Variants in CAST observed in about 807,000 individuals in gnomAD.
CAST encodes the protein calpastatin, also known as MIR583 host.
Under a neutral mutation model 119.6 loss-of-function variants are expected in CAST, and 76 were observed. That is an observed-to-expected ratio of 0.64 (90% CI 0.53 to 0.77). The LOEUF is 0.77. Ranked by LOEUF, CAST falls within the 30% of genes least tolerant of loss-of-function variation. CAST has a pLI of 0.00. For missense variants in CAST, 953 were observed against 946.5 expected, an observed-to-expected ratio of 1.01 and a Z score of -0.09; for synonymous variants, 319 against 331.6, an observed-to-expected ratio of 0.96 and a Z score of 0.41.
chr5:96,684,270 A>G (rs940784346), intron 2 of CAST, among the ~76,000 whole-genome samples: 2 of 152,226 alleles, frequency 1.3e-5, no homozygotes, highest in Non-Finnish European at 2.9e-5. Flanking sequence ...GAGGTGCTCT[A>G]TAAATCTTAC....
At chr5:96,676,881 C>T (rs77257848) in intron 2 of CAST, among the ~76,000 whole-genome samples, 3,526 of 151,804 alleles carry the variant, frequency 0.023, 142 homozygotes, top group African/African-American at 0.081. Flanking sequence ...AGTGAAACCC[C>T]TTCTCTGCTA....
At chr5:96,191,724 C>T in the CAST span, among the ~76,000 whole-genome samples, 1 of 152,158 alleles carries the variant, frequency 6.6e-6, no homozygotes, top group African/African-American at 2.4e-5. Context: ...CGCACGCCAC[C>T]ACACCCAGCT....
At chr5:96,423,157 A>G in the CAST span, among the ~76,000 whole-genome samples, 1 of 152,206 alleles carries the variant, frequency 6.6e-6, no homozygotes, top group Admixed American at 6.5e-5. Flanking sequence ...ATAAATTCAT[A>G]TAAGCTAGTG....
At chr5:95,961,510 C>A in the CAST span, 1 of 1,379,352 alleles carries the variant, frequency 7.2e-7, no homozygotes, top group Non-Finnish European at 9.4e-7. Flanking sequence ...CGCACCCGGG[C>A]GCGGCCAGGC....
At chr5:96,602,759 T>C (rs1401346363) in intron 1 of CAST, among the ~76,000 whole-genome samples, 1 of 151,984 alleles carries the variant, frequency 6.6e-6, no homozygotes, top group Non-Finnish European at 1.5e-5. Context: ...CAAAAATAAA[T>C]AGATAAATAA....
chr5:96,299,035 T>C, the CAST span, among the ~76,000 whole-genome samples: 1 of 151,512 alleles, frequency 6.6e-6, no homozygotes, highest in South Asian at 2.1e-4. Context: ...AGGTCAAGAG[T>C]TCAAGATTAG....
chr5:96,002,227 G>A, the CAST span, among the ~76,000 whole-genome samples: 7 of 152,326 alleles, frequency 4.6e-5, no homozygotes, highest in East Asian at 9.6e-4. Context: ...GGTTGCAAGT[G>A]ACAGAAATCC....
chr5:96,278,899 C>A, the CAST span: 1 of 152,190 alleles, frequency 6.6e-6, no homozygotes, highest in Admixed American at 6.5e-5. Context: ...TATCTCTCAT[C>A]ATATCCTATA....
chr5:96,252,359 A>G, the CAST span, among the ~76,000 whole-genome samples: 2 of 152,140 alleles, frequency 1.3e-5, no homozygotes, highest in Admixed American at 1.3e-4. Flanking sequence ...TCATTCAGTT[A>G]GTACCTACTA....
chr5:96,169,583 C>T, the CAST span, among the ~76,000 whole-genome samples: 4 of 151,944 alleles, frequency 2.6e-5, no homozygotes, highest in Non-Finnish European at 5.9e-5. Flanking sequence ...CTGTAGCAGG[C>T]GAGTGATAAC....
At chr5:96,168,559 A>G in the CAST span, among the ~76,000 whole-genome samples, 3 of 152,184 alleles carry the variant, frequency 2.0e-5, no homozygotes, top group Admixed American at 6.6e-5. Context: ...GGTAGCCTCA[A>G]TGATAGATGT....
At chr5:96,650,257 A>G (rs1748074297) in intron 1 of CAST, among the ~76,000 whole-genome samples, 1 of 152,216 alleles carries the variant, frequency 6.6e-6, no homozygotes. Context: ...TTTGAAGCAT[A>G]GAAGAATAAT....
At chr5:96,507,990 CATTATTATTATTATTATTATTATT>C in the CAST span, among the ~76,000 whole-genome samples, 1 of 142,266 alleles carries the variant, frequency 7.0e-6, no homozygotes, top group African/African-American at 2.6e-5. Context: ...ATATCCCTGA[CATTATTATTATTATTATTATTATT>C]ATTATTATTA....
chr5:96,300,161 C>T, the CAST span, among the ~76,000 whole-genome samples: 1 of 152,088 alleles, frequency 6.6e-6, no homozygotes, highest in African/African-American at 2.4e-5. Context: ...TTGGGGTCAA[C>T]TATAAAACAT....
the CAST span, among the ~76,000 whole-genome samples, chr5:96,459,084 G>A: frequency 6.6e-6 from 1 of 152,204 alleles, no homozygotes; most frequent in African/African-American, 2.4e-5. Flanking sequence ...CTTCTATACT[G>A]TATACAGTTT....
chr5:96,718,805 G>T (rs1486888581), intron 3 of CAST, among the ~76,000 whole-genome samples: 1 of 152,160 alleles, frequency 6.6e-6, no homozygotes, highest in Non-Finnish European at 1.5e-5. Context: ...AAGTAGTGTT[G>T]CAGGTGGGAG....
chr5:96,529,726 A>G, upstream of CAST: 1 of 380,202 alleles, frequency 2.6e-6, no homozygotes, highest in Non-Finnish European at 5.2e-6. Context: ...ATCCTGTGAT[A>G]TCCTTGTGAT....
chr5:96,216,737 G>A, the CAST span, among the ~76,000 whole-genome samples: 30 of 152,288 alleles, frequency 2.0e-4, no homozygotes, highest in Non-Finnish European at 4.0e-4. Context: ...TTTATCATTA[G>A]CATCAAATGC....
At chr5:96,620,366 C>A (rs182389078) in intron 1 of CAST, among the ~76,000 whole-genome samples, 1 of 150,056 alleles carries the variant, frequency 6.7e-6, no homozygotes, top group Admixed American at 6.6e-5. Flanking sequence ...CACATTCAGT[C>A]GACATTGTAG....
Sources: gnomAD v4.1 joint callset for allele counts (sites outside exome capture counted in the v4.1 genomes callset) on GRCh38, gnomAD v4.1.1 for gene constraint, MANE v1.5 for transcripts, NCBI Gene and HGNC (gene_info 2026-07-23, HGNC 2026-07-21) for gene names.